Variants in RBFOX1 observed in about 807,000 individuals in gnomAD.
RBFOX1 encodes RNA binding protein fox-1 homolog 1.
A neutral mutation model predicts 57.7 loss-of-function variants in RBFOX1; 8 were observed. The observed-to-expected ratio is 0.14, with a 90% CI of 0.08 to 0.25. RBFOX1 has a LOEUF of 0.25. RBFOX1 is among the 10% of genes least tolerant of loss of function. The pLI is 1.00. For synonymous variants in RBFOX1, 326 were observed against 222.4 expected, an observed-to-expected ratio of 1.47 and a Z score of -4.15; for missense variants, 611 against 548.5, an observed-to-expected ratio of 1.11 and a Z score of -1.14.
intron 11 of RBFOX1, among the ~76,000 whole-genome samples, chr16:7,646,037 C>G (rs2063677713): frequency 6.7e-6 from 1 of 149,912 alleles, no homozygotes; most frequent in South Asian, 2.1e-4. Context: ...GGAGCTAGAA[C>G]TTAATAAGTG....
intron 1 of RBFOX1, among the ~76,000 whole-genome samples, chr16:5,465,714 A>G (rs2068931640): frequency 6.6e-6 from 1 of 152,140 alleles, no homozygotes; most frequent in African/African-American, 2.4e-5. Flanking sequence ...AGCTGTTAAC[A>G]CTCAGGCCTT....
intron 4 of RBFOX1, among the ~76,000 whole-genome samples, chr16:5,962,314 C>A (rs962108826): frequency 6.6e-6 from 1 of 152,170 alleles, no homozygotes; most frequent in Non-Finnish European, 1.5e-5. Flanking sequence ...CTGTTCTCAT[C>A]CTGACCCTGT....
chr16:6,921,626 T>A (rs901120521), intron 3 of RBFOX1, among the ~76,000 whole-genome samples: 12 of 120,298 alleles, frequency 1.0e-4, no homozygotes. Flanking sequence ...TAAATTACTG[T>A]ATATATATAT....
intron 1 of RBFOX1, among the ~76,000 whole-genome samples, chr16:6,195,590 G>A (rs1443977487): frequency 2.6e-5 from 4 of 152,040 alleles, no homozygotes; most frequent in Non-Finnish European, 2.9e-5. Context: ...GTGGTGGCAC[G>A]TGCCTGTAGT....
At chr16:6,788,849 C>T (rs946671401) in intron 3 of RBFOX1, among the ~76,000 whole-genome samples, 18 of 152,114 alleles carry the variant, frequency 1.2e-4, no homozygotes, top group African/African-American at 4.1e-4. Context: ...CCTAAAATGG[C>T]ATCGCCTCAC....
At chr16:6,965,345 G>A (rs868118558) in intron 3 of RBFOX1, among the ~76,000 whole-genome samples, 1 of 70,854 alleles carries the variant, frequency 1.4e-5, no homozygotes, top group African/African-American at 4.4e-5. Flanking sequence ...GTGTGTGTGT[G>A]TGTGTGTGTG....
chr16:5,336,864 G>T (rs184444846), intron 1 of RBFOX1, among the ~76,000 whole-genome samples: 1 of 152,172 alleles, frequency 6.6e-6, no homozygotes, highest in African/African-American at 2.4e-5. Flanking sequence ...TATCCTTTCA[G>T]ATGCCAGAGC....
chr16:5,591,830 A>G (rs1013366644), intron 2 of RBFOX1, among the ~76,000 whole-genome samples: 1 of 152,218 alleles, frequency 6.6e-6, no homozygotes, highest in Admixed American at 6.5e-5. Flanking sequence ...TTCCATGAAT[A>G]TCCTTGGCAC....
intron 4 of RBFOX1, among the ~76,000 whole-genome samples, chr16:5,969,298 C>CTTTTTTTTT (rs71142659): frequency 6.8e-4 from 57 of 83,752 alleles, no homozygotes; most frequent in East Asian, 1.3e-3. Flanking sequence ...TTCGGTTGTT[C>CTTTTTTTTT]TTTTTTTTTT....
intron 2 of RBFOX1, among the ~76,000 whole-genome samples, chr16:6,496,219 G>C (rs555580147): frequency 6.6e-6 from 1 of 152,044 alleles, no homozygotes; most frequent in African/African-American, 2.4e-5. Flanking sequence ...CTATTGTCCT[G>C]CAAATTTAGA....
intron 4 of RBFOX1, among the ~76,000 whole-genome samples, chr16:7,196,494 T>C (rs111756186): frequency 3.9e-5 from 6 of 152,302 alleles, no homozygotes; most frequent in African/African-American, 1.4e-4. Context: ...CCCAAACATT[T>C]AAGAGGCGTC....
intron 1 of RBFOX1, among the ~76,000 whole-genome samples, chr16:6,105,927 T>C (rs1261733582): frequency 6.6e-6 from 1 of 152,136 alleles, no homozygotes; most frequent in Non-Finnish European, 1.5e-5. Flanking sequence ...ATGGTCATAG[T>C]AACCCAACAT....
At chr16:5,755,716 G>T (rs569584457) in intron 3 of RBFOX1, among the ~76,000 whole-genome samples, 1 of 152,102 alleles carries the variant, frequency 6.6e-6, no homozygotes, top group South Asian at 2.1e-4. Context: ...CTCCTGACTC[G>T]GCCTCCGAAG....
chr16:7,059,277 G>GC (rs1243235152), intron 4 of RBFOX1, among the ~76,000 whole-genome samples: 1 of 152,034 alleles, frequency 6.6e-6, no homozygotes, highest in Non-Finnish European at 1.5e-5. Flanking sequence ...GAAAATGTAA[G>GC]CCCCCCTTCT....
rs1199259453 is a variant in RBFOX1 at position 6,169,997 on chromosome 16, G to T, written c.-126-146998G>T. 2.0e-5 allele frequency among the ~76,000 whole-genome samples: 3 copies of T among 152,096 alleles called. No individual in the cohort carries two copies. In the East Asian group the frequency reaches 5.8e-4, roughly 29 times the overall value. On this transcript the variant is annotated intron_variant, in intron 1 of 15. Coordinates refer to ENST00000550418, the MANE Select transcript of RBFOX1 (RefSeq NM_018723.4). ...TTGGCCAGGCTGGTCTCAAATGCCT[G>T]ACCTTAAGCGATCCACCCACTTCGG...
At chr16:6,941,306 CCTTCCTTCCTTCCTTCCT>C (rs1567990780) in intron 3 of RBFOX1, among the ~76,000 whole-genome samples, 25 of 41,726 alleles carry the variant, frequency 6.0e-4, no homozygotes, top group African/African-American at 1.7e-3. Context: ...CTCCCTCCTT[CCTTCCTTCCTTCCTTCCT>C]TCCTTCCTTC....
At chr16:7,354,219 C>A (rs557356465) in intron 4 of RBFOX1, among the ~76,000 whole-genome samples, 1 of 152,160 alleles carries the variant, frequency 6.6e-6, no homozygotes, top group Non-Finnish European at 1.5e-5. Context: ...GATCTGCCCA[C>A]CTCGGCCTCC....
At chr16:7,243,672 C>G (rs1266886934) in intron 4 of RBFOX1, among the ~76,000 whole-genome samples, 1 of 152,082 alleles carries the variant, frequency 6.6e-6, no homozygotes, top group Non-Finnish European at 1.5e-5. Flanking sequence ...CTCAGCCTCC[C>G]AAGTAGCTGG....
intron 1 of RBFOX1, among the ~76,000 whole-genome samples, chr16:6,282,562 G>T (rs1465394854): frequency 6.6e-6 from 1 of 151,864 alleles, no homozygotes; most frequent in Non-Finnish European, 1.5e-5. Context: ...ACAGGCCCCA[G>T]TGTGTGATAT....
Sources: allele counts gnomAD v4.1 joint callset (sites outside exome capture counted in the v4.1 genomes callset), GRCh38; gene constraint gnomAD v4.1.1; transcripts MANE v1.5; gene names NCBI Gene and HGNC (gene_info 2026-07-23, HGNC 2026-07-21).